The following TRPM3 variants were observed in gnomAD, a reference collection of about 807,000 sequenced individuals.
The protein encoded by TRPM3 is transient receptor potential cation channel subfamily M member 3, also known as long transient receptor potential channel 3.
A neutral mutation model predicts 181.2 loss-of-function variants in TRPM3; 77 were observed. That is an observed-to-expected ratio of 0.42 (90% CI 0.35 to 0.51). The LOEUF is 0.51. TRPM3 is among the 20% of genes least tolerant of loss of function. The pLI is 0.01. For missense variants in TRPM3, 1,759 were observed against 2,196.7 expected, an observed-to-expected ratio of 0.80 and a Z score of 3.98; for synonymous variants, 745 against 796.4, an observed-to-expected ratio of 0.94 and a Z score of 1.09.
At chr9:71,218,563 T>G (rs952296513) in intron 1 of TRPM3, among the ~76,000 whole-genome samples, 1 of 152,184 alleles carries the variant, frequency 6.6e-6, no homozygotes, top group East Asian at 1.9e-4. Flanking sequence ...TTTTCCATTA[T>G]AGACATTGCA....
chr9:71,042,499 C>A (rs1440818091), intron 1 of TRPM3, among the ~76,000 whole-genome samples: 5 of 152,026 alleles, frequency 3.3e-5, no homozygotes, highest in African/African-American at 4.8e-5. Context: ...AGTGGGTGTT[C>A]GATAAATGTC....
At chr9:71,300,270 G>A (rs73649714) in intron 1 of TRPM3, among the ~76,000 whole-genome samples, 5,389 of 152,098 alleles carry the variant, frequency 0.035, 342 homozygotes, top group African/African-American at 0.12. Context: ...CTTTCAAAAT[G>A]CATGAATCTG....
At chr9:70,833,962 G>A (rs2094129023) in intron 5 of TRPM3, among the ~76,000 whole-genome samples, 1 of 152,040 alleles carries the variant, frequency 6.6e-6, no homozygotes, top group Non-Finnish European at 1.5e-5. Flanking sequence ...CTGAGATAAA[G>A]GAACATGGGG....
Position 70,618,870 on chromosome 9 carries a change from G to A in TRPM3, c.2355C>T (p.Leu785=), listed in dbSNP as rs746593505. 5.6e-6 allele frequency: 9 copies of A among 1,604,952 alleles called. No homozygotes were observed. The highest frequency in any genetic ancestry group is 1.3e-5 in the African/African-American group (1 of 75,066). Residue 785 remains leucine (L), a synonymous_variant, in exon 17 of 26, where the codon CTC becomes CTT. Coordinates refer to ENST00000677713, the MANE Select transcript of TRPM3 (RefSeq NM_001366145.2). ...GGGCCTTATTGGGCGCCCTGACCTT[G>A]AGGCCTGAGTTCTTGCGCATGCGGA... ...GRLRMRKNSG[L]KVILGILLPP... is the part of the protein sequence containing the mutation.
At chr9:70,539,110 G>T (rs913428914) in intron 25 of TRPM3, among the ~76,000 whole-genome samples, 1 of 152,238 alleles carries the variant, frequency 6.6e-6, no homozygotes, top group Non-Finnish European at 1.5e-5. Flanking sequence ...TAAGGCACTT[G>T]CTGCAGGAAG....
At chr9:71,412,107 T>C (rs1487422959) in intron 1 of TRPM3, among the ~76,000 whole-genome samples, 1 of 152,150 alleles carries the variant, frequency 6.6e-6, no homozygotes, top group Non-Finnish European at 1.5e-5. Context: ...TCAAGATGGA[T>C]TAAAGACTTA....
chr9:71,430,628 A>G (rs1165701678), intron 1 of TRPM3, among the ~76,000 whole-genome samples: 1 of 152,026 alleles, frequency 6.6e-6, no homozygotes, highest in East Asian at 1.9e-4. Flanking sequence ...CCTGGCCAAT[A>G]TGGTGAAACC....
intron 1 of TRPM3, among the ~76,000 whole-genome samples, chr9:71,177,199 G>A (rs2077148120): frequency 6.6e-6 from 1 of 152,130 alleles, no homozygotes; most frequent in Admixed American, 6.6e-5. Context: ...AAAACCCCCA[G>A]ATGGGACCTT....
At chr9:71,335,001 G>A (rs1235202099) in intron 1 of TRPM3, among the ~76,000 whole-genome samples, 1 of 152,010 alleles carries the variant, frequency 6.6e-6, no homozygotes, top group Non-Finnish European at 1.5e-5. Context: ...ATGGAATTTT[G>A]CCCTACATTA....
intron 1 of TRPM3, among the ~76,000 whole-genome samples, chr9:71,191,610 A>T (rs967203332): frequency 6.6e-5 from 10 of 151,872 alleles, no homozygotes; most frequent in African/African-American, 2.2e-4. Context: ...CAATTTAAGC[A>T]CTTCTGTACT....
intron 6 of TRPM3, chr9:70,826,417 GAC>G (rs780853608): frequency 6.6e-6 from 1 of 152,178 alleles, no homozygotes; most frequent in Non-Finnish European, 1.5e-5. Flanking sequence ...TCTTTCCAAA[GAC>G]AGTTTGGGAA....
At chr9:71,435,920 C>T (rs1027157819) in intron 1 of TRPM3, among the ~76,000 whole-genome samples, 1 of 152,126 alleles carries the variant, frequency 6.6e-6, no homozygotes, top group African/African-American at 2.4e-5. Flanking sequence ...GCAGAAAGGC[C>T]AAAAAGATGT....
intron 25 of TRPM3, among the ~76,000 whole-genome samples, chr9:70,544,048 C>T (rs980638051): frequency 2.0e-5 from 3 of 152,274 alleles, no homozygotes; most frequent in East Asian, 3.9e-4. Context: ...AGATGCTGCC[C>T]ACAAGCCACC....
At chr9:71,389,064 G>A (rs2092996567) in intron 1 of TRPM3, among the ~76,000 whole-genome samples, 1 of 152,032 alleles carries the variant, frequency 6.6e-6, no homozygotes, top group Admixed American at 6.6e-5. Context: ...AACTTATTTA[G>A]AAGAAAATCT....
chr9:71,168,868 A>G (rs1411569363), intron 1 of TRPM3, among the ~76,000 whole-genome samples: 2 of 152,132 alleles, frequency 1.3e-5, no homozygotes, highest in Non-Finnish European at 2.9e-5. Context: ...GATATGTAAG[A>G]ATATAGTTCA....
chr9:70,566,980 T>C (rs2050768375), intron 22 of TRPM3, among the ~76,000 whole-genome samples: 1 of 152,146 alleles, frequency 6.6e-6, no homozygotes, highest in South Asian at 2.1e-4. Flanking sequence ...AACCTCACAG[T>C]ATGAGGTTTG....
chr9:70,810,694 T>C (rs907591305), intron 6 of TRPM3, among the ~76,000 whole-genome samples: 2 of 152,016 alleles, frequency 1.3e-5, no homozygotes, highest in African/African-American at 4.8e-5. Context: ...AAAAATGAGA[T>C]AATGCTTCCA....
intron 1 of TRPM3, among the ~76,000 whole-genome samples, chr9:71,239,722 A>G (rs957593672): frequency 1.3e-5 from 2 of 152,146 alleles, no homozygotes; most frequent in Non-Finnish European, 2.9e-5. Flanking sequence ...AAGTACTACA[A>G]TATGTGCTTC....
intron 22 of TRPM3, among the ~76,000 whole-genome samples, chr9:70,586,013 G>A (rs189025348): frequency 3.0e-4 from 46 of 152,240 alleles, no homozygotes; most frequent in African/African-American, 1.1e-3. Flanking sequence ...TTCGCAGTTT[G>A]GAAGGCCATT....
Sources: gnomAD v4.1 joint callset for allele counts (sites outside exome capture counted in the v4.1 genomes callset) on GRCh38, gnomAD v4.1.1 for gene constraint, MANE v1.5 for transcripts, NCBI Gene and HGNC (gene_info 2026-07-23, HGNC 2026-07-21) for gene names.